GNB1: variants seen among roughly 807,000 people sequenced by gnomAD.
GNB1 encodes the protein G protein subunit beta 1, also known as guanine nucleotide-binding protein G(I)/G(S)/G(T) subunit beta-1.
In GNB1, 2 loss-of-function variants were observed where a neutral mutation model predicts 42.9. The ratio of observed to expected loss-of-function variants is 0.05; its 90% CI spans 0.02 to 0.15. GNB1 has a LOEUF of 0.15. Among genes scored for constraint, GNB1 ranks in the 10% least tolerant of loss-of-function variants. The probability of loss-of-function intolerance (pLI) is 1.00; values close to 1 mark genes in which losing one functional copy is unlikely to be tolerated. For missense variants in GNB1, 193 were observed against 462.2 expected (o/e 0.42, Z 5.34); for synonymous variants, 183 against 174.7 (o/e 1.05, Z -0.38).
intron 1 of GNB1, among the ~76,000 whole-genome samples, chr1:1,874,282 A>G (rs1324021192): frequency 3.3e-5 from 5 of 152,138 alleles, no homozygotes; most frequent in Non-Finnish European, 7.4e-5. Flanking sequence ...CAGCCTGGTC[A>G]ACATGGCAAA....
chr1:1,826,343 G>C (rs1169110199), intron 2 of GNB1, among the ~76,000 whole-genome samples: 1 of 152,172 alleles, frequency 6.6e-6, no homozygotes, highest in Non-Finnish European at 1.5e-5. Flanking sequence ...TTTGAACCTG[G>C]GAGGCAGAGG....
At chr1:1,797,264 T>C (rs1339036630) in intron 7 of GNB1, among the ~76,000 whole-genome samples, 3 of 152,072 alleles carry the variant, frequency 2.0e-5, no homozygotes, top group Admixed American at 1.3e-4. Flanking sequence ...AGGAACAAAT[T>C]AGTGCACCAC....
chr1:1,830,509 G>A (rs565738841), intron 2 of GNB1, among the ~76,000 whole-genome samples: 5 of 151,542 alleles, frequency 3.3e-5, no homozygotes, highest in East Asian at 2.0e-4. Flanking sequence ...TCAGCCTCCC[G>A]AAGTGCTGGG....
intron 7 of GNB1, among the ~76,000 whole-genome samples, chr1:1,804,167 G>A (rs1646664690): frequency 6.6e-6 from 1 of 151,602 alleles, no homozygotes; most frequent in Non-Finnish European, 1.5e-5. Flanking sequence ...CGTGGTGGTG[G>A]GCGCCTGTAG....
At chr1:1,857,477 C>T (rs1205496815) in intron 1 of GNB1, among the ~76,000 whole-genome samples, 1 of 152,166 alleles carries the variant, frequency 6.6e-6, no homozygotes, top group Non-Finnish European at 1.5e-5. Context: ...CTCCTCTGCA[C>T]CAACTCACTC....
intron 1 of GNB1, among the ~76,000 whole-genome samples, chr1:1,844,717 C>A (rs886781804): frequency 6.6e-6 from 1 of 152,150 alleles, no homozygotes; most frequent in Non-Finnish European, 1.5e-5. Flanking sequence ...GATACCCAAA[C>A]CAGAATAGGA....
rs1322337939 is a variant in GNB1, at chr1:1,786,379, TC to T, written c.*683del. On this transcript the variant is annotated 3_prime_UTR_variant, in exon 12 of 12. Coordinates refer to ENST00000378609, the MANE Select transcript of GNB1 (RefSeq NM_002074.5). ...TTCTCTGATCACGCATTTGAGACCG[TC>T]CCCGCATGTGCTTGGCCCCATGGCT... 2 of 279,558 alleles carry T rather than the reference TC, an allele frequency of 7.2e-6. No individual in the cohort carries two copies. Among genetic ancestry groups the T allele is most frequent in the Non-Finnish European group, 1.3e-5 (2 of 151,174 alleles). The allele number at this position is 279,558 out of a possible 1,614,324, so 17.3% of individuals were successfully genotyped here.
At chr1:1,799,300 A>C (rs780785861) in intron 7 of GNB1, among the ~76,000 whole-genome samples, 6 of 152,174 alleles carry the variant, frequency 3.9e-5, no homozygotes, top group Non-Finnish European at 5.9e-5. Context: ...ATTTCATGAA[A>C]TATGAAGGAA....
Position 1,790,370 on chromosome 1 carries a change from A to G in GNB1, c.699+25T>C. 2 of 1,557,856 alleles carry G rather than the reference A, an allele frequency of 1.3e-6. No individual in the cohort carries two copies. Among genetic ancestry groups the G allele is most frequent in the Non-Finnish European group, 1.8e-6 (2 of 1,128,774 alleles). On this transcript the variant is annotated intron_variant, in intron 9 of 11. Transcript: ENST00000378609. This position sits in a 1 kb window ranked among gnomAD's most constrained non-coding sequence, Gnocchi z 5.4. Reference sequence around the variant, plus strand: ...GCTAGCAGAGACGGCAGAGGACCCGACCCCACACCTCCACCCAGACTCACG... The same window carrying G: ...GCTAGCAGAGACGGCAGAGGACCCGGCCCCACACCTCCACCCAGACTCACG...
At chr1:1,828,355 G>A (rs910792500) in intron 2 of GNB1, among the ~76,000 whole-genome samples, 2 of 151,996 alleles carry the variant, frequency 1.3e-5, no homozygotes, top group African/African-American at 4.8e-5. Context: ...TGGCTGGAGG[G>A]TGGTGGGTGG....
intron 7 of GNB1, among the ~76,000 whole-genome samples, chr1:1,802,154 C>T (rs987116776): frequency 2.6e-5 from 4 of 152,116 alleles, no homozygotes; most frequent in Non-Finnish European, 5.9e-5. Context: ...TAGAAAGACA[C>T]AGAATATTTG....
In GNB1 at chr1:1,820,072, A is replaced by G. The variant is rs374718026; in HGVS notation, c.58-2197T>C. On this transcript the variant is annotated intron_variant, in intron 3 of 11. Coordinates refer to ENST00000378609, the MANE Select transcript of GNB1 (RefSeq NM_002074.5). ...TTATAAACTGATAATATGGAAATATATTGGTCAGGCGCAGTGGCTCATGCC... is the reference window on the plus strand; with the variant it reads ...TTATAAACTGATAATATGGAAATATGTTGGTCAGGCGCAGTGGCTCATGCC... Among the ~76,000 whole-genome samples the G allele has an allele frequency of 8.5e-5, 13 of 152,268 alleles. 1 individual carries two copies. Among genetic ancestry groups the G allele is most frequent in the Admixed American group, 2.6e-4 (4 of 15,282 alleles).
intron 1 of GNB1, among the ~76,000 whole-genome samples, chr1:1,851,347 T>A (rs1404577503): frequency 7.2e-6 from 1 of 139,768 alleles, no homozygotes; most frequent in Non-Finnish European, 1.5e-5. Context: ...GAGGCGGAGG[T>A]TGCAGTGAGC....
chr1:1,886,837 C>A (rs896858354), intron 1 of GNB1, among the ~76,000 whole-genome samples: 4 of 152,162 alleles, frequency 2.6e-5, no homozygotes, highest in African/African-American at 9.7e-5. Context: ...TCCTGAGTAG[C>A]TGGGATTACA....
At chr1:1,795,910 T>C (rs1271911580) in intron 7 of GNB1, among the ~76,000 whole-genome samples, 1 of 152,058 alleles carries the variant, frequency 6.6e-6, no homozygotes, top group African/African-American at 2.4e-5. Context: ...GATAAAATGA[T>C]GTGGACAAGC....
intron 7 of GNB1, among the ~76,000 whole-genome samples, chr1:1,803,377 G>A (rs1292710910): frequency 6.6e-6 from 1 of 152,202 alleles, no homozygotes; most frequent in Admixed American, 6.5e-5. Flanking sequence ...GCTCCCTGCA[G>A]CCTCAACCAC....
At chr1:1,828,674 T>A (rs547924931) in intron 2 of GNB1, among the ~76,000 whole-genome samples, 6 of 152,164 alleles carry the variant, frequency 3.9e-5, no homozygotes, top group African/African-American at 1.4e-4. Context: ...ATAGCAGAAA[T>A]TATTATAGCA....
chr1:1,842,939 A>C (rs998854239), intron 1 of GNB1, among the ~76,000 whole-genome samples: 1 of 152,224 alleles, frequency 6.6e-6, no homozygotes, highest in Non-Finnish European at 1.5e-5. Flanking sequence ...ATCAAGTTTC[A>C]AAGCATGGGT....
chr1:1,860,853 G>T (rs1648583311), intron 1 of GNB1, among the ~76,000 whole-genome samples: 1 of 151,900 alleles, frequency 6.6e-6, no homozygotes, highest in African/African-American at 2.4e-5. Context: ...TCAAAAATGG[G>T]AACTGACACT....
Sources: gnomAD v4.1 joint callset for allele counts (sites outside exome capture counted in the v4.1 genomes callset) on GRCh38, gnomAD v4.1.1 for gene constraint, Gnocchi (gnomAD v3.1) non-coding constraint, MANE v1.5 for transcripts, NCBI Gene and HGNC (gene_info 2026-07-23, HGNC 2026-07-21) for gene names.